The following CLYBL variants were observed in gnomAD, a reference collection of about 807,000 sequenced individuals.
CLYBL encodes the protein citramalyl-CoA lyase, mitochondrial.
In CLYBL, 31 loss-of-function variants were observed where a neutral mutation model predicts 38.9. The observed-to-expected ratio is 0.80, with a 90% CI of 0.60 to 1.08. The LOEUF (loss-of-function observed/expected upper bound fraction) is 1.08. Ranked by LOEUF, CLYBL falls within the 50% of genes least tolerant of loss-of-function variation. The pLI, the probability that CLYBL is intolerant of heterozygous loss-of-function variation, is 0.00. For missense variants in CLYBL, 434 were observed against 411.6 expected (o/e 1.05, Z -0.47); for synonymous variants, 171 against 158.6 (o/e 1.08, Z -0.59).
At chr13:99,646,510 CTTTTTTT>C (rs140419884) in intron 1 of CLYBL, among the ~76,000 whole-genome samples, 2 of 109,260 alleles carry the variant, frequency 1.8e-5, no homozygotes, top group East Asian at 5.1e-4. Context: ...TTACAGAAAT[CTTTTTTT>C]TTTTTTTTTT....
At chr13:99,663,669 C>G (rs1367633804) in intron 1 of CLYBL, among the ~76,000 whole-genome samples, 6 of 152,270 alleles carry the variant, frequency 3.9e-5, no homozygotes, top group Non-Finnish European at 8.8e-5. Context: ...CTTGGGGACA[C>G]TAAGAAAACC....
intron 2 of CLYBL, among the ~76,000 whole-genome samples, chr13:99,786,733 G>T (rs1331232768): frequency 2.7e-5 from 4 of 149,298 alleles, no homozygotes; most frequent in Non-Finnish European, 6.0e-5. Context: ...GTAATGGGAT[G>T]GCTGGGTCAA....
chr13:99,899,533 A>C (rs143158476), downstream of CLYBL, among the ~76,000 whole-genome samples: 187 of 152,142 alleles, frequency 1.2e-3, 1 homozygote, highest in African/African-American at 4.4e-3. Context: ...GGCAATGGGG[A>C]GTTACTGTTT....
chr13:99,608,138 C>G (rs887037914), intron 1 of CLYBL, among the ~76,000 whole-genome samples: 3 of 144,596 alleles, frequency 2.1e-5, no homozygotes, highest in Non-Finnish European at 4.5e-5. Flanking sequence ...ATGGCGCCAT[C>G]TCAGCTGACT....
chr13:99,697,947 C>T (rs1284857353), intron 1 of CLYBL, among the ~76,000 whole-genome samples: 1 of 152,196 alleles, frequency 6.6e-6, no homozygotes, highest in Non-Finnish European at 1.5e-5. Flanking sequence ...CCCACCGGGC[C>T]TCCCAACAGG....
chr13:99,799,650 T>C (rs1371252295), intron 2 of CLYBL, among the ~76,000 whole-genome samples: 1 of 152,236 alleles, frequency 6.6e-6, no homozygotes, highest in Non-Finnish European at 1.5e-5. Flanking sequence ...CAATTTCATC[T>C]ATCTGGAGGA....
chr13:99,860,566 T>C (rs1180732755), intron 3 of CLYBL, among the ~76,000 whole-genome samples: 1 of 152,248 alleles, frequency 6.6e-6, no homozygotes, highest in Admixed American at 6.5e-5. Flanking sequence ...CTGAAGTCAC[T>C]GTTCCCTTTT....
intron 2 of CLYBL, among the ~76,000 whole-genome samples, chr13:99,853,756 C>T (rs1297902492): frequency 1.3e-5 from 2 of 151,954 alleles, no homozygotes; most frequent in Admixed American, 1.3e-4. Context: ...TGGTCTATGT[C>T]CTAAGCAATG....
intron 1 of CLYBL, among the ~76,000 whole-genome samples, chr13:99,634,039 T>TCAGCAAGATAAATTAAAACACA (rs1178758397): frequency 8.6e-5 from 13 of 151,938 alleles, no homozygotes; most frequent in Non-Finnish European, 1.9e-4. Context: ...TAACAAACAC[T>TCAGCAAGATAAATTAAAACACA]CAGCAAGATA....
At chr13:99,783,558 G>A (rs2049708699) in intron 2 of CLYBL, among the ~76,000 whole-genome samples, 1 of 151,862 alleles carries the variant, frequency 6.6e-6, no homozygotes, top group African/African-American at 2.4e-5. Flanking sequence ...CTGGGTTCAT[G>A]CCATTCTCCT....
chr13:99,644,196 TGTG>T (rs1402085731), intron 1 of CLYBL, among the ~76,000 whole-genome samples: 3 of 75,626 alleles, frequency 4.0e-5, no homozygotes, highest in Admixed American at 1.2e-4. Context: ...TGTATGTATA[TGTG>T]GTGTATGTGT....
intron 1 of CLYBL, among the ~76,000 whole-genome samples, chr13:99,725,107 A>G (rs910348272): frequency 6.6e-6 from 1 of 152,216 alleles, no homozygotes; most frequent in Non-Finnish European, 1.5e-5. Context: ...TATGGGGAAG[A>G]GGCACGCACT....
chr13:99,783,832 T>G (rs1185062577), intron 2 of CLYBL: 1 of 151,902 alleles, frequency 6.6e-6, no homozygotes, highest in Non-Finnish European at 1.5e-5. Flanking sequence ...CATGGATTAT[T>G]ATGTCATGAT....
intron 7 of CLYBL, among the ~76,000 whole-genome samples, chr13:99,889,694 C>A (rs774828620): frequency 6.6e-6 from 1 of 152,172 alleles, no homozygotes; most frequent in Non-Finnish European, 1.5e-5. Flanking sequence ...GAATCTCTCT[C>A]AATCAAAAGA....
chr13:99,675,918 A>C (rs1050266834), intron 1 of CLYBL, among the ~76,000 whole-genome samples: 1 of 152,234 alleles, frequency 6.6e-6, no homozygotes, highest in African/African-American at 2.4e-5. Context: ...CAGTAGCATG[A>C]TCTCAGCTCA....
chr13:99,750,196 C>T (rs9517871), intron 1 of CLYBL, among the ~76,000 whole-genome samples: 124,431 of 151,066 alleles, frequency 0.82, 51,682 homozygotes, highest in East Asian at 0.92. Flanking sequence ...CTCCTGCGAC[C>T]CCCTCAGCCC....
At chr13:99,710,868 T>C (rs911683397) in intron 1 of CLYBL, among the ~76,000 whole-genome samples, 3 of 151,060 alleles carry the variant, frequency 2.0e-5, no homozygotes, top group African/African-American at 7.3e-5. Context: ...TGGCTTCTCT[T>C]AGTTTCTAAC....
chr13:99,816,259 G>A lies in CLYBL; in HGVS notation c.250-42602G>A, dbSNP rs548138626. Among the ~76,000 whole-genome samples the A allele has an allele frequency of 4.0e-4, 61 of 152,342 alleles. 1 individual carries two copies. Among genetic ancestry groups the A allele is most frequent in the South Asian group, 1.9e-3 (9 of 4,828 alleles). On this transcript the variant is annotated intron_variant, in intron 2 of 8. Coordinates refer to ENST00000339105, the MANE Select transcript of CLYBL (RefSeq NM_206808.5). ...ATTTGAACTCATTTGTTTAACAAATGAGAAGATTTAACATCAAAATGCCAA... is the reference window on the plus strand; with the variant it reads ...ATTTGAACTCATTTGTTTAACAAATAAGAAGATTTAACATCAAAATGCCAA...
intron 1 of CLYBL, among the ~76,000 whole-genome samples, chr13:99,694,672 TG>T (rs373888717): frequency 1.8e-3 from 276 of 152,336 alleles, no homozygotes; most frequent in African/African-American, 6.3e-3. Flanking sequence ...CACGTCTAAA[TG>T]GAAAATTGCT....
Sources: gnomAD v4.1 joint callset for allele counts (sites outside exome capture counted in the v4.1 genomes callset) on GRCh38, gnomAD v4.1.1 for gene constraint, MANE v1.5 for transcripts, NCBI Gene and HGNC (gene_info 2026-07-23, HGNC 2026-07-21) for gene names.